The following NPAS3 variants were observed in gnomAD, a reference collection of about 807,000 sequenced individuals.
The protein encoded by NPAS3 is neuronal PAS domain-containing protein 3.
In NPAS3, 14 loss-of-function variants were observed where a neutral mutation model predicts 73.1. That is an observed-to-expected ratio of 0.19 (90% CI 0.13 to 0.30). The LOEUF (loss-of-function observed/expected upper bound fraction) is 0.30. Among genes scored for constraint, NPAS3 ranks in the 10% least tolerant of loss-of-function variants. The pLI, the probability that NPAS3 is intolerant of heterozygous loss-of-function variation, is 1.00. For missense variants in NPAS3, 1,096 were observed against 1,250.0 expected, an observed-to-expected ratio of 0.88 and a Z score of 1.86; for synonymous variants, 620 against 541.5, an observed-to-expected ratio of 1.14 and a Z score of -2.01.
chr14:33,065,495 T>C (rs1328890788), intron 2 of NPAS3, among the ~76,000 whole-genome samples: 1 of 152,088 alleles, frequency 6.6e-6, no homozygotes, highest in East Asian at 1.9e-4. Context: ...CTTCGAGGAT[T>C]TTGGTTTAGT....
chr14:33,035,981 C>A (rs1007537728), intron 1 of NPAS3, among the ~76,000 whole-genome samples: 1 of 152,160 alleles, frequency 6.6e-6, no homozygotes, highest in Non-Finnish European at 1.5e-5. Flanking sequence ...GCTTTCGTAA[C>A]TTATTTTGAA....
intron 7 of NPAS3, among the ~76,000 whole-genome samples, chr14:33,744,956 C>A (rs897731714): frequency 6.6e-6 from 1 of 151,706 alleles, no homozygotes; most frequent in Non-Finnish European, 1.5e-5. Flanking sequence ...AGCACAGTAT[C>A]TAGACCGTGT....
At chr14:33,573,418 A>G (rs1423959429) in intron 5 of NPAS3, among the ~76,000 whole-genome samples, 1 of 152,182 alleles carries the variant, frequency 6.6e-6, no homozygotes, top group Non-Finnish European at 1.5e-5. Context: ...ATTTTAGTGA[A>G]TACTGAATGT....
intron 7 of NPAS3, among the ~76,000 whole-genome samples, chr14:33,767,796 G>A (rs181232659): frequency 4.2e-4 from 64 of 152,178 alleles, no homozygotes; most frequent in East Asian, 9.7e-4. Context: ...GTATTTTTCC[G>A]TCATGGACTT....
intron 3 of NPAS3, among the ~76,000 whole-genome samples, chr14:33,352,111 G>A (rs2045093064): frequency 6.6e-6 from 1 of 152,142 alleles, no homozygotes; most frequent in Non-Finnish European, 1.5e-5. Flanking sequence ...TTTGAGGAAG[G>A]GGAAAGGAGC....
chr14:33,142,705 A>C (rs2044098148), intron 2 of NPAS3, among the ~76,000 whole-genome samples: 1 of 152,198 alleles, frequency 6.6e-6, no homozygotes, highest in Admixed American at 6.5e-5. Flanking sequence ...AAGGATTATT[A>C]TTTCTGAAGT....
At chr14:33,455,878 A>G (rs764373078) in intron 4 of NPAS3, among the ~76,000 whole-genome samples, 4 of 152,218 alleles carry the variant, frequency 2.6e-5, no homozygotes, top group Non-Finnish European at 4.4e-5. Context: ...CCTGCAAAGC[A>G]TCTGTTAACA....
In NPAS3 at chr14:33,246,287, C is replaced by T. The variant is rs1471145348; in HGVS notation, c.385+30861C>T. Among the ~76,000 whole-genome samples, 5 of 152,198 alleles carry T rather than the reference C, an allele frequency of 3.3e-5. No homozygotes were observed. The East Asian group carries it at 9.7e-4, about 29-fold the overall frequency. On this transcript the variant is annotated intron_variant, in intron 3 of 11. Coordinates refer to ENST00000356141, the Ensembl canonical transcript of NPAS3. ...AGGTGCGGTGGCTCACGCCTCTAAT[C>T]CCAGCACTTTGGGAGGCCGAGGCGG...
At chr14:33,315,988 G>A (rs1419676207) in intron 3 of NPAS3, among the ~76,000 whole-genome samples, 1 of 152,050 alleles carries the variant, frequency 6.6e-6, no homozygotes, top group Non-Finnish European at 1.5e-5. Context: ...AAGGTATGTG[G>A]AGCAACAGTG....
intron 3 of NPAS3, among the ~76,000 whole-genome samples, chr14:33,308,155 G>A (rs74042025): frequency 0.026 from 3,988 of 152,070 alleles, 164 homozygotes; most frequent in African/African-American, 0.09. Flanking sequence ...CCTCTCTCCC[G>A]CTGAGAAAGA....
At chr14:33,089,815 C>G (rs952681076) in intron 2 of NPAS3, among the ~76,000 whole-genome samples, 3 of 152,178 alleles carry the variant, frequency 2.0e-5, no homozygotes, top group Non-Finnish European at 2.9e-5. Context: ...AGAAACTCTA[C>G]AAGCCAGAAG....
intron 2 of NPAS3, among the ~76,000 whole-genome samples, chr14:33,209,450 G>A (rs946066267): frequency 3.3e-5 from 5 of 152,094 alleles, no homozygotes; most frequent in Admixed American, 1.3e-4. Flanking sequence ...CTCCTCATTC[G>A]GCTCATGTTA....
At chr14:33,677,135 G>GGGAAGATTGGCTGGTCGGCCT (rs1256167716) in intron 6 of NPAS3, among the ~76,000 whole-genome samples, 2 of 152,190 alleles carry the variant, frequency 1.3e-5, no homozygotes, top group Non-Finnish European at 2.9e-5. Flanking sequence ...TTCAAACACG[G>GGGAAGATTGGCTGGTCGGCCT]GGAAGATTGG....
At chr14:33,395,146 T>TAG (rs1290413643) in intron 4 of NPAS3, among the ~76,000 whole-genome samples, 2 of 152,188 alleles carry the variant, frequency 1.3e-5, no homozygotes, top group Non-Finnish European at 2.9e-5. Context: ...GTTTTTCTAC[T>TAG]AGAGAAACTT....
intron 2 of NPAS3, among the ~76,000 whole-genome samples, chr14:33,081,434 C>G (rs1312684564): frequency 3.9e-5 from 6 of 152,030 alleles, no homozygotes; most frequent in Non-Finnish European, 8.8e-5. Context: ...AGCTGCCAAA[C>G]AGGAAGAGCT....
intron 1 of NPAS3, among the ~76,000 whole-genome samples, chr14:33,054,282 A>G (rs912260052): frequency 9.2e-5 from 14 of 152,182 alleles, no homozygotes; most frequent in Non-Finnish European, 1.3e-4. Context: ...GAGTATGTTT[A>G]GGTTAGAAGT....
chr14:33,141,588 A>G (rs2044044975), intron 2 of NPAS3, among the ~76,000 whole-genome samples: 1 of 152,236 alleles, frequency 6.6e-6, no homozygotes, highest in Admixed American at 6.5e-5. Flanking sequence ...TTTAAAAATT[A>G]CTTTGCTAGC....
At chr14:33,578,339 A>ACC in intron 5 of NPAS3, 7 of 410,628 alleles carry the variant, frequency 1.7e-5, no homozygotes, top group Non-Finnish European at 3.3e-5. Flanking sequence ...AATTACAGGC[A>ACC]TGTACTACCA....
chr14:33,559,914 G>T (rs915655379), intron 4 of NPAS3, among the ~76,000 whole-genome samples: 1 of 151,660 alleles, frequency 6.6e-6, no homozygotes, highest in African/African-American at 2.4e-5. Flanking sequence ...AGCTACTCGG[G>T]AGGCTAAGGC....
Sources: allele counts gnomAD v4.1 joint callset (sites outside exome capture counted in the v4.1 genomes callset), GRCh38; gene constraint gnomAD v4.1.1; transcripts MANE v1.5; gene names NCBI Gene and HGNC (gene_info 2026-07-23, HGNC 2026-07-21).